The following PXDNL variants were observed in gnomAD, a reference collection of about 807,000 sequenced individuals.
The protein encoded by PXDNL is peroxidasin like.
A neutral mutation model predicts 150.8 loss-of-function variants in PXDNL; 145 were observed. That is an observed-to-expected ratio of 0.96 (90% CI 0.84 to 1.10). The LOEUF (loss-of-function observed/expected upper bound fraction) is 1.10, where lower values mean the gene tolerates loss of function less well. Ranked by LOEUF, PXDNL falls within the 50% of genes least tolerant of loss-of-function variation. The probability of loss-of-function intolerance (pLI) is 0.00; values close to 1 mark genes in which losing one functional copy is unlikely to be tolerated. For synonymous variants in PXDNL, 757 were observed against 725.7 expected, an observed-to-expected ratio of 1.04 and a Z score of -0.69; for missense variants, 2,087 against 1,873.9, an observed-to-expected ratio of 1.11 and a Z score of -2.10.
At chr8:51,724,182 G>A (rs2130921961) in intron 1 of PXDNL, among the ~76,000 whole-genome samples, 1 of 152,202 alleles carries the variant, frequency 6.6e-6, no homozygotes, top group Admixed American at 6.5e-5. Flanking sequence ...AGAGTTTGGG[G>A]CTACAATGGC....
chr8:51,783,297 C>T (rs930937103), intron 1 of PXDNL, among the ~76,000 whole-genome samples: 8 of 152,168 alleles, frequency 5.3e-5, no homozygotes, highest in African/African-American at 1.2e-4. Flanking sequence ...ATGCACAGCC[C>T]GAAGTGCCTG....
At chr8:51,792,683 T>A (rs2037524403) in intron 1 of PXDNL, among the ~76,000 whole-genome samples, 1 of 152,144 alleles carries the variant, frequency 6.6e-6, no homozygotes, top group African/African-American at 2.4e-5. Context: ...CCAGGAGGAA[T>A]TCCCCACAGC....
intron 21 of PXDNL, among the ~76,000 whole-genome samples, chr8:51,329,719 A>G (rs67110071): frequency 0.22 from 33,834 of 152,194 alleles, 3,859 homozygotes; most frequent in Middle Eastern, 0.3. Context: ...AAAATGTTAG[A>G]AATCAAAACT....
intron 12 of PXDNL, 31 bp downstream of exon 12, chr8:51,446,973 G>A: frequency 6.2e-7 from 1 of 1,608,516 alleles, no homozygotes. Context: ...GCACACTTCA[G>A]AATGTGAATA....
At chr8:51,741,744 G>A (rs974794204) in intron 1 of PXDNL, among the ~76,000 whole-genome samples, 5 of 152,144 alleles carry the variant, frequency 3.3e-5, no homozygotes, top group African/African-American at 9.7e-5. Flanking sequence ...TTGTAGTAAG[G>A]TCACATGTCA....
At chr8:51,446,279 A>G (rs1182521183) in intron 12 of PXDNL, among the ~76,000 whole-genome samples, 1 of 152,218 alleles carries the variant, frequency 6.6e-6, no homozygotes, top group East Asian at 1.9e-4. Context: ...GTCAGAACAA[A>G]TTGTAGCAAA....
chr8:51,566,695 G>C (rs2130577692), intron 3 of PXDNL, among the ~76,000 whole-genome samples: 1 of 151,102 alleles, frequency 6.6e-6, no homozygotes, highest in East Asian at 2.0e-4. Flanking sequence ...TCACTATCCA[G>C]GCTGGGAGTT....
chr8:51,403,902 T>C (rs933372875), intron 17 of PXDNL, among the ~76,000 whole-genome samples: 8 of 152,314 alleles, frequency 5.3e-5, no homozygotes, highest in Non-Finnish European at 1.2e-4. Flanking sequence ...TTAAAGGTGG[T>C]GTGTCCGGAG....
At chr8:51,777,817 C>T (rs199657020) in intron 1 of PXDNL, among the ~76,000 whole-genome samples, 2 of 152,030 alleles carry the variant, frequency 1.3e-5, no homozygotes, top group East Asian at 1.9e-4. Flanking sequence ...GCAGGAGAAT[C>T]GCATGAACCC....
At chr8:51,412,676 C>T (rs1808686105) in intron 15 of PXDNL, among the ~76,000 whole-genome samples, 1 of 152,164 alleles carries the variant, frequency 6.6e-6, no homozygotes, top group South Asian at 2.1e-4. Context: ...ATGTTACAAA[C>T]ACAGAGAAGT....
At chr8:51,476,469 C>A (rs933419218) in intron 6 of PXDNL, among the ~76,000 whole-genome samples, 1 of 152,138 alleles carries the variant, frequency 6.6e-6, no homozygotes, top group African/African-American at 2.4e-5. Context: ...AACAGGAAGG[C>A]GATGGCTCTT....
In PXDNL at chr8:51,785,222, C is replaced by T. The variant is rs78375701; in HGVS notation, c.164+23959G>A. 4.2e-3 allele frequency among the ~76,000 whole-genome samples: 642 copies of T among 151,406 alleles called. 5 individuals carry two copies. The highest frequency in any genetic ancestry group is 0.015 in the African/African-American group (621 of 41,180). Reference sequence around the variant, plus strand: ...TGTTTTGATTTTATTACCAAAAATACAATGCTGGTTGTTTGTACCTGCCAA... The same window carrying T: ...TGTTTTGATTTTATTACCAAAAATATAATGCTGGTTGTTTGTACCTGCCAA... On this transcript the variant is annotated intron_variant, in intron 1 of 22. Transcript: ENST00000356297.
In PXDNL at chr8:51,339,696, T is replaced by C. The variant is rs372820363; in HGVS notation, c.4074A>G (p.Lys1358=). 1 of 1,613,678 alleles carries C rather than the reference T, an allele frequency of 6.2e-7. No homozygotes were observed. The highest frequency in any genetic ancestry group is 8.5e-7 in the Non-Finnish European group (1 of 1,179,696). Residue 1358 remains lysine (K), a synonymous_variant, in exon 21 of 23, where the codon AAA becomes AAG. Transcript: ENST00000356297. ...TGCTGAAATCTTGGGAGAACTTTGT[T>C]TTTGCCAGAACTGTCACATTTCTAG... is the stretch of plus-strand genomic sequence containing the variant. ...EDARNVTVLA[K]TKFSQDFSTF... is the part of the protein sequence containing the mutation.
At chr8:51,633,444 T>G (rs1814534281) in intron 2 of PXDNL, among the ~76,000 whole-genome samples, 1 of 152,096 alleles carries the variant, frequency 6.6e-6, no homozygotes, top group Non-Finnish European at 1.5e-5. Context: ...AATGGTAGTT[T>G]AAGTTCTTTG....
At chr8:51,425,734 A>G (rs1809079634) in intron 13 of PXDNL, among the ~76,000 whole-genome samples, 1 of 151,988 alleles carries the variant, frequency 6.6e-6, no homozygotes, top group South Asian at 2.1e-4. Context: ...AGGCAGGACA[A>G]TGGCGTGAAC....
intron 14 of PXDNL, among the ~76,000 whole-genome samples, chr8:51,415,653 G>A (rs748242468): frequency 2.0e-5 from 3 of 152,144 alleles, no homozygotes; most frequent in Non-Finnish European, 2.9e-5. Context: ...GATGTTCAAC[G>A]TGGAATGTCA....
chr8:51,542,297 C>T (rs1304071889), intron 4 of PXDNL, among the ~76,000 whole-genome samples: 2 of 152,046 alleles, frequency 1.3e-5, no homozygotes, highest in African/African-American at 4.8e-5. Context: ...CAAAGCAATC[C>T]TACTTTATAA....
intron 2 of PXDNL, 95 bp from the exon 3 acceptor site, chr8:51,592,793 G>GA (rs1813474003): frequency 1.3e-6 from 1 of 767,532 alleles, no homozygotes; most frequent in East Asian, 3.3e-5. Flanking sequence ...TTACACAACA[G>GA]AAAAATATTT....
chr8:51,569,451 G>A (rs558367088), intron 3 of PXDNL, among the ~76,000 whole-genome samples: 1 of 151,986 alleles, frequency 6.6e-6, no homozygotes, highest in South Asian at 2.1e-4. Context: ...AAAATGTTAT[G>A]ATGAACATAC....
Sources: allele counts gnomAD v4.1 joint callset (sites outside exome capture counted in the v4.1 genomes callset), GRCh38; gene constraint gnomAD v4.1.1; transcripts MANE v1.5; gene names NCBI Gene and HGNC (gene_info 2026-07-23, HGNC 2026-07-21).